NTNG1: variants seen among roughly 807,000 people sequenced by gnomAD.
NTNG1 encodes netrin G1.
A neutral mutation model predicts 54.0 loss-of-function variants in NTNG1; 16 were observed. The ratio of observed to expected loss-of-function variants is 0.30; its 90% confidence interval spans 0.20 to 0.45. The LOEUF (loss-of-function observed/expected upper bound fraction) is 0.45. Ranked by LOEUF, NTNG1 falls within the 20% of genes least tolerant of loss-of-function variation. The probability of loss-of-function intolerance (pLI) is 1.00; values close to 1 mark genes in which losing one functional copy is unlikely to be tolerated. For missense variants in NTNG1, 530 were observed against 678.7 expected (o/e 0.78, Z 2.43); for synonymous variants, 255 against 263.1 (o/e 0.97, Z 0.30).
chr1:107,426,546 T>C (rs748187147), intron 5 of NTNG1, among the ~76,000 whole-genome samples: 4 of 152,166 alleles, frequency 2.6e-5, no homozygotes, highest in Non-Finnish European at 5.9e-5. Flanking sequence ...TTTGTACCAG[T>C]ACCATGCTGT....
In NTNG1 at chr1:107,378,670, G is replaced by A. The variant is rs78162924; in HGVS notation, c.888-16484G>A. Among the ~76,000 whole-genome samples the A allele has an allele frequency of 3.8e-3, 584 of 152,268 alleles. 4 individuals carry two copies. The highest frequency in any genetic ancestry group is 0.014 in the African/African-American group (568 of 41,542). ...TGTCGAGGAAGGAGAAAAGCCCAAG[G>A]TACAGGTTCACAGGTCAGGACAGAC... On this transcript the variant is annotated intron_variant, in intron 3 of 7. Coordinates refer to ENST00000370068, the MANE Select transcript of NTNG1 (RefSeq NM_001113226.3).
At chr1:107,362,479 A>C (rs745490382) in intron 3 of NTNG1, among the ~76,000 whole-genome samples, 2 of 152,222 alleles carry the variant, frequency 1.3e-5, no homozygotes, top group Non-Finnish European at 2.9e-5. Context: ...GGCCTCCACT[A>C]TGGGGTTGCC....
At chr1:107,453,028 G>T (rs1676715330) in intron 7 of NTNG1, among the ~76,000 whole-genome samples, 1 of 152,162 alleles carries the variant, frequency 6.6e-6, no homozygotes, top group Non-Finnish European at 1.5e-5. Context: ...GATTCCCTCT[G>T]AGTATGCTGA....
At chr1:107,281,204 A>G (rs1282132256) in intron 2 of NTNG1, among the ~76,000 whole-genome samples, 2 of 152,020 alleles carry the variant, frequency 1.3e-5, no homozygotes, top group African/African-American at 2.4e-5. Flanking sequence ...TTATATGTCT[A>G]TTCCTCTTTG....
intron 3 of NTNG1, among the ~76,000 whole-genome samples, chr1:107,383,887 A>G (rs1671790162): frequency 6.6e-6 from 1 of 152,250 alleles, no homozygotes; most frequent in Non-Finnish European, 1.5e-5. Flanking sequence ...ACCTGTGCAT[A>G]TATTAAGCAC....
At chr1:107,161,976 A>C (rs1557771430) in intron 2 of NTNG1, among the ~76,000 whole-genome samples, 1 of 151,776 alleles carries the variant, frequency 6.6e-6, no homozygotes, top group Non-Finnish European at 1.5e-5. Flanking sequence ...TTTGTCATTC[A>C]ATGTTATATT....
chr1:107,442,547 G>T (rs1412302544), intron 7 of NTNG1, among the ~76,000 whole-genome samples: 4 of 152,108 alleles, frequency 2.6e-5, no homozygotes, highest in Non-Finnish European at 4.4e-5. Flanking sequence ...AATGCAGATG[G>T]TATAAGGCTG....
rs17531739 is a variant in NTNG1, at chr1:107,443,926, C to T, written c.1390+7127C>T. ...AGAGGCACTTGATGTTACTGTGGTA[C>T]GACTCCTAAGGGTGGGAAGGAAGTG... On this transcript the variant is annotated intron_variant, in intron 7 of 7. Transcript: ENST00000370068. Among the ~76,000 whole-genome samples the T allele has an allele frequency of 1.6e-3, 248 of 152,108 alleles. 3 individuals carry two copies. The highest frequency in any genetic ancestry group is 3.2e-4 in the Non-Finnish European group (22 of 67,958).
chr1:107,411,969 A>C (rs1318516622), intron 5 of NTNG1, among the ~76,000 whole-genome samples: 1 of 152,216 alleles, frequency 6.6e-6, no homozygotes, highest in Non-Finnish European at 1.5e-5. Context: ...GAGCTGAAAT[A>C]ATCTCCTACT....
At chr1:107,349,352 T>G (rs1669457005) in intron 3 of NTNG1, among the ~76,000 whole-genome samples, 1 of 152,184 alleles carries the variant, frequency 6.6e-6, no homozygotes, top group Non-Finnish European at 1.5e-5. Flanking sequence ...TTTTAAATTT[T>G]TTTTCTATGC....
intron 7 of NTNG1, among the ~76,000 whole-genome samples, chr1:107,442,351 C>T (rs1391316021): frequency 6.6e-6 from 1 of 151,996 alleles, no homozygotes; most frequent in Non-Finnish European, 1.5e-5. Flanking sequence ...CACATATGCA[C>T]ATACACATAC....
intron 2 of NTNG1, among the ~76,000 whole-genome samples, chr1:107,193,629 T>C (rs1658118451): frequency 6.6e-6 from 1 of 151,982 alleles, no homozygotes; most frequent in Non-Finnish European, 1.5e-5. Context: ...TTGAGTGAAG[T>C]TAGGTGACTT....
At chr1:107,210,092 A>C (rs1219771353) in intron 2 of NTNG1, among the ~76,000 whole-genome samples, 1 of 152,126 alleles carries the variant, frequency 6.6e-6, no homozygotes, top group Non-Finnish European at 1.5e-5. Context: ...ATGAGATGGA[A>C]ACGTGAACAG....
At chr1:107,433,840 G>A (rs1479601572) in intron 6 of NTNG1, among the ~76,000 whole-genome samples, 1 of 152,176 alleles carries the variant, frequency 6.6e-6, no homozygotes, top group Non-Finnish European at 1.5e-5. Flanking sequence ...TGCCCTCTCA[G>A]GGCCGTTGGA....
At chr1:107,182,836 G>A (rs945748449) in intron 2 of NTNG1, among the ~76,000 whole-genome samples, 3 of 152,200 alleles carry the variant, frequency 2.0e-5, no homozygotes, top group East Asian at 1.9e-4. Flanking sequence ...TCCTCTGTCC[G>A]CTGATTCGCT....
chr1:107,204,134 G>C (rs923428958), intron 2 of NTNG1, among the ~76,000 whole-genome samples: 8 of 151,522 alleles, frequency 5.3e-5, no homozygotes, highest in African/African-American at 1.9e-4. Context: ...GTTTTGTTTT[G>C]TTTTGTTTTT....
intron 5 of NTNG1, chr1:107,408,627 T>C (rs1673598672): frequency 6.6e-6 from 1 of 151,730 alleles, no homozygotes; most frequent in South Asian, 2.1e-4. Flanking sequence ...AATTTTAAAT[T>C]TTTTTTTATA....
At chr1:107,375,317 C>G (rs1381682362) in intron 3 of NTNG1, among the ~76,000 whole-genome samples, 1 of 152,166 alleles carries the variant, frequency 6.6e-6, no homozygotes, top group Admixed American at 6.5e-5. Context: ...AGTCATTGGA[C>G]TCATCTCATT....
intron 5 of NTNG1, among the ~76,000 whole-genome samples, chr1:107,413,928 A>G (rs946248907): frequency 6.6e-6 from 1 of 152,012 alleles, no homozygotes; most frequent in Non-Finnish European, 1.5e-5. Context: ...ACAATAATAG[A>G]AAAAAAATCA....
Sources: gnomAD v4.1 joint callset for allele counts (sites outside exome capture counted in the v4.1 genomes callset) on GRCh38, gnomAD v4.1.1 for gene constraint, MANE v1.5 for transcripts, NCBI Gene and HGNC (gene_info 2026-07-23, HGNC 2026-07-21) for gene names.